Variants in CFAP61 observed in about 807,000 individuals in gnomAD.
CFAP61 encodes cilia and flagella associated protein 61.
CFAP61 carries 107 observed loss-of-function variants against 135.6 expected under a neutral mutation model. The observed-to-expected ratio is 0.79, with a 90% confidence interval of 0.67 to 0.93. The LOEUF (loss-of-function observed/expected upper bound fraction) is 0.93, where lower values mean the gene tolerates loss of function less well. CFAP61 is among the 40% of genes least tolerant of loss of function. The pLI is 0.00. For synonymous variants in CFAP61, 575 were observed against 578.5 expected, an observed-to-expected ratio of 0.99 and a Z score of 0.09; for missense variants, 1,507 against 1,556.2, an observed-to-expected ratio of 0.97 and a Z score of 0.53.
At chr20:20,106,000 C>CTATACATA (rs1277233037) in intron 8 of CFAP61, among the ~76,000 whole-genome samples, 1,230 of 102,338 alleles carry the variant, frequency 0.012, 137 homozygotes, top group East Asian at 0.044. Context: ...CTACTCTTGC[C>CTATACATA]TATATATATA....
intron 2 of CFAP61, among the ~76,000 whole-genome samples, chr20:20,066,788 C>A (rs1363851570): frequency 6.6e-6 from 1 of 151,984 alleles, no homozygotes; most frequent in Non-Finnish European, 1.5e-5. Flanking sequence ...CCTGTATGTT[C>A]TGCACATGTA....
intron 16 of CFAP61, among the ~76,000 whole-genome samples, chr20:20,198,984 T>G (rs1034563765): frequency 2.0e-5 from 3 of 152,218 alleles, no homozygotes; most frequent in Non-Finnish European, 4.4e-5. Flanking sequence ...CTTAGTTCAT[T>G]TCACCAAAAC....
chr20:20,283,209 C>A (rs1184932045), intron 22 of CFAP61, among the ~76,000 whole-genome samples: 2 of 151,992 alleles, frequency 1.3e-5, no homozygotes, highest in African/African-American at 4.8e-5. Context: ...TTTGCTTTAT[C>A]TTTTTGGGGG....
intron 25 of CFAP61, chr20:20,323,368 G>A (rs1387910754): frequency 1.6e-5 from 15 of 947,270 alleles, no homozygotes; most frequent in African/African-American, 1.8e-5. Context: ...GTTCCTAAAA[G>A]CAAGTATGGA....
At chr20:20,329,295 T>C (rs2057890181) in intron 25 of CFAP61, among the ~76,000 whole-genome samples, 1 of 152,198 alleles carries the variant, frequency 6.6e-6, no homozygotes, top group Non-Finnish European at 1.5e-5. Context: ...ACTTTGGACT[T>C]CTGCAGGCAC....
chr20:20,178,006 A>G (rs1327029277), intron 13 of CFAP61, among the ~76,000 whole-genome samples: 1 of 152,108 alleles, frequency 6.6e-6, no homozygotes, highest in Non-Finnish European at 1.5e-5. Context: ...AAGTTTGGTT[A>G]CTTTAAATTT....
chr20:20,121,954 T>C (rs889316241), intron 8 of CFAP61, among the ~76,000 whole-genome samples: 5 of 152,098 alleles, frequency 3.3e-5, no homozygotes, highest in Non-Finnish European at 4.4e-5. Context: ...TTTAACTTTT[T>C]AAAAATTTTT....
At position 20,340,314 on chromosome 20, in the gene CFAP61, C is replaced by G. The variant is rs142175857; in HGVS notation, c.3423-1517C>G. Among the ~76,000 whole-genome samples the G allele has an allele frequency of 7.9e-5, 12 of 152,252 alleles. No homozygotes were observed. In the East Asian group the frequency reaches 2.3e-3, roughly 29 times the overall value. ...TACACAGCCCCCATTTTCTCTAATA[C>G]AATTCAAGTTCCTCCAAAGTTAATT... On this transcript the variant is annotated intron_variant, in intron 25 of 26. Coordinates refer to ENST00000245957, the MANE Select transcript of CFAP61 (RefSeq NM_015585.4).
intron 15 of CFAP61, among the ~76,000 whole-genome samples, chr20:20,192,600 T>G (rs2056002773): frequency 1.3e-5 from 2 of 152,120 alleles, no homozygotes; most frequent in African/African-American, 4.8e-5. Context: ...TTGTAGTTGC[T>G]GCTGCACAGT....
intron 8 of CFAP61, among the ~76,000 whole-genome samples, chr20:20,114,533 C>T (rs2049008352): frequency 6.6e-6 from 1 of 152,064 alleles, no homozygotes; most frequent in African/African-American, 2.4e-5. Context: ...GATATTTTTA[C>T]ACTATTGTAA....
chr20:20,164,929 C>T (rs1186872446), intron 11 of CFAP61, among the ~76,000 whole-genome samples: 1 of 152,198 alleles, frequency 6.6e-6, no homozygotes, highest in Non-Finnish European at 1.5e-5. Context: ...AAAGGGGTTT[C>T]CCCTTATAAA....
chr20:20,075,396 A>C, intron 5 of CFAP61, 93 bp from the exon 6 acceptor site: 1 of 1,501,430 alleles, frequency 6.7e-7, no homozygotes, highest in African/African-American at 1.4e-5. Context: ...AGAACAATTA[A>C]GCACAATTTA....
At chr20:20,193,614 A>AT (rs2056078662) in intron 15 of CFAP61, among the ~76,000 whole-genome samples, 1 of 151,768 alleles carries the variant, frequency 6.6e-6, no homozygotes, top group South Asian at 2.1e-4. Context: ...TATTATAATA[A>AT]TTATTATTAT....
In CFAP61 at chr20:20,123,977, T is replaced by G. The variant is rs1369450030; in HGVS notation, c.860-18880T>G. Among the ~76,000 whole-genome samples the G allele has an allele frequency of 2.1e-3, 309 of 146,908 alleles. 6 individuals carry two copies. Among genetic ancestry groups the G allele is most frequent in the African/African-American group, 7.5e-3 (297 of 39,420 alleles). On this transcript the variant is annotated intron_variant, in intron 8 of 26. Transcript: ENST00000245957. ...TGGTTATGTATATTCCTAAGTTTTT[T>G]TTTTTTTTTTTTTTTTGCATGCTAT...
At chr20:20,246,309 AAGG>A in intron 19 of CFAP61, 94 bp downstream of exon 19, 1 of 851,566 alleles carries the variant, frequency 1.2e-6, no homozygotes, top group South Asian at 1.4e-5. Context: ...CAGATTGGAA[AAGG>A]AGAAGTGGTG....
intron 8 of CFAP61, among the ~76,000 whole-genome samples, chr20:20,121,709 G>C (rs1032893296): frequency 6.6e-6 from 1 of 152,088 alleles, no homozygotes; most frequent in African/African-American, 2.4e-5. Flanking sequence ...GGCCATGCTG[G>C]TCTTGAACTT....
rs567725378 is a variant in CFAP61, at chr20:20,263,029, G to A, written c.2402G>A (p.Arg801Gln). Reference sequence around the variant, plus strand: ...GAGGTTCCCAACAGCAGTCAGCGGCGGTACACGGGGAAAGTTCCTTGCAAC... The same window carrying A: ...GAGGTTCCCAACAGCAGTCAGCGGCAGTACACGGGGAAAGTTCCTTGCAAC... ...NREVPNSSQRRYTGKVPCNHF... is the reference protein window; with the variant it reads ...NREVPNSSQRQYTGKVPCNHF... Residue 801 changes from arginine (R) to glutamine (Q), a missense_variant, in exon 21 of 27, where the codon CGG becomes CAG. Coordinates refer to ENST00000245957, the MANE Select transcript of CFAP61 (RefSeq NM_015585.4). 2.4e-5 allele frequency: 39 copies of A among 1,613,728 alleles called. 1 individual carries two copies. The South Asian group carries it at 2.7e-4, about 11-fold the overall frequency.
At chr20:20,154,358 C>A (rs2052705025) in intron 9 of CFAP61, among the ~76,000 whole-genome samples, 1 of 152,082 alleles carries the variant, frequency 6.6e-6, no homozygotes, top group South Asian at 2.1e-4. Context: ...CTAGCCAGAG[C>A]AATTAGACAA....
intron 19 of CFAP61, among the ~76,000 whole-genome samples, chr20:20,249,581 A>C (rs1411904039): frequency 2.0e-5 from 3 of 151,050 alleles, no homozygotes; most frequent in Admixed American, 6.6e-5. Flanking sequence ...TTGTAACAGC[A>C]ATCACCCCAC....
Sources: gnomAD v4.1 joint callset for allele counts (sites outside exome capture counted in the v4.1 genomes callset) on GRCh38, gnomAD v4.1.1 for gene constraint, MANE v1.5 for transcripts, NCBI Gene and HGNC (gene_info 2026-07-23, HGNC 2026-07-21) for gene names.